The following RNF13 variants were observed in gnomAD, a reference collection of about 807,000 sequenced individuals.
RNF13 encodes the protein E3 ubiquitin-protein ligase RNF13.
RNF13 carries 19 observed loss-of-function variants against 37.7 expected under a neutral mutation model. The observed-to-expected ratio is 0.50, with a 90% CI of 0.35 to 0.74. The LOEUF (loss-of-function observed/expected upper bound fraction) is 0.74. RNF13 is among the 30% of genes least tolerant of loss of function. The pLI is 0.01. For missense variants in RNF13, 375 were observed against 453.0 expected (o/e 0.83, Z 1.56); for synonymous variants, 144 against 157.8 (o/e 0.91, Z 0.65).
chr3:149,833,118 C>CTCT lies in RNF13; in HGVS notation c.-16-12892_-16-12891insCTT, dbSNP rs1306537184. The stretch of plus-strand genomic sequence containing the variant: ...ATAACTTATCGTTCTCTCTCTCTCT[C>CTCT]TTTTTTTTTTTTTTTTTTTGAGATG... On this transcript the variant is annotated intron_variant, in intron 1 of 9. Coordinates refer to ENST00000392894, the MANE Select transcript of RNF13 (RefSeq NM_183381.3). Among the ~76,000 whole-genome samples, 64 of 111,884 alleles carry CTCT rather than the reference C, an allele frequency of 5.7e-4. 1 individual carries two copies. The highest frequency in any genetic ancestry group is 1.6e-3 in the African/African-American group (47 of 29,532). 73.4% of individuals were successfully genotyped at this position (111,884 alleles called of 152,430 possible).
intron 3 of RNF13, among the ~76,000 whole-genome samples, chr3:149,861,428 GT>G (rs1293932874): frequency 6.6e-6 from 1 of 152,118 alleles, no homozygotes; most frequent in East Asian, 1.9e-4. Flanking sequence ...TATATGGAAT[GT>G]AATACTATTT....
chr3:149,866,107 C>G (rs1724796118), intron 3 of RNF13, among the ~76,000 whole-genome samples: 1 of 151,026 alleles, frequency 6.6e-6, no homozygotes, highest in Non-Finnish European at 1.5e-5. Context: ...TGTCATGGCA[C>G]TGGTAGTGTT....
chr3:149,871,203 G>A (rs961304527), intron 3 of RNF13, among the ~76,000 whole-genome samples: 2 of 151,456 alleles, frequency 1.3e-5, no homozygotes, highest in South Asian at 2.1e-4. Context: ...CACCATGCTC[G>A]GCTAATTTTT....
intron 8 of RNF13, among the ~76,000 whole-genome samples, chr3:149,943,337 C>T (rs1313841828): frequency 6.6e-6 from 1 of 151,964 alleles, no homozygotes; most frequent in Non-Finnish European, 1.5e-5. Context: ...AAAGCCTTAC[C>T]AATTATCAAC....
intron 1 of RNF13, among the ~76,000 whole-genome samples, chr3:149,831,032 T>G (rs549833608): frequency 2.0e-5 from 3 of 152,246 alleles, no homozygotes; most frequent in Admixed American, 6.5e-5. Context: ...GAACTGAGGT[T>G]TGGGAATCTT....
At chr3:149,846,266 T>G in intron 2 of RNF13, 126 bp downstream of exon 2, 1 of 587,768 alleles carries the variant, frequency 1.7e-6, no homozygotes, top group Non-Finnish European at 3.0e-6. Context: ...CCCCAACACA[T>G]ATACACAGTT....
chr3:149,887,763 G>A (rs1714214821), intron 4 of RNF13, among the ~76,000 whole-genome samples: 1 of 152,166 alleles, frequency 6.6e-6, no homozygotes, highest in Non-Finnish European at 1.5e-5. Context: ...TTGGCTAAGA[G>A]CTTCAGTACA....
intron 8 of RNF13, among the ~76,000 whole-genome samples, chr3:149,930,585 G>A (rs937954306): frequency 3.3e-5 from 5 of 152,210 alleles, no homozygotes; most frequent in African/African-American, 1.2e-4. Flanking sequence ...TTCACAGAAT[G>A]AGTTATGATA....
chr3:149,815,726 G>T (rs2108301197), intron 1 of RNF13, among the ~76,000 whole-genome samples: 1 of 152,172 alleles, frequency 6.6e-6, no homozygotes, highest in Middle Eastern at 3.4e-3. Context: ...GTTGATTTGG[G>T]AACAACACAG....
chr3:149,877,818 G>A (rs899227098), intron 4 of RNF13, among the ~76,000 whole-genome samples: 5 of 152,030 alleles, frequency 3.3e-5, no homozygotes, highest in Admixed American at 3.3e-4. Context: ...AAGGATATTC[G>A]ATGGATGGAA....
intron 3 of RNF13, among the ~76,000 whole-genome samples, chr3:149,860,357 G>A (rs1245247242): frequency 7.1e-6 from 1 of 141,546 alleles, no homozygotes; most frequent in African/African-American, 2.7e-5. Flanking sequence ...TACATATTAT[G>A]CACACACATA....
At chr3:149,844,830 T>C (rs1222027783) in intron 1 of RNF13, among the ~76,000 whole-genome samples, 1 of 152,136 alleles carries the variant, frequency 6.6e-6, no homozygotes, top group Non-Finnish European at 1.5e-5. Context: ...AATGCAGTGA[T>C]TTTTAGTATA....
At chr3:149,816,220 G>A (rs1460226678) in intron 1 of RNF13, among the ~76,000 whole-genome samples, 1 of 152,090 alleles carries the variant, frequency 6.6e-6, no homozygotes, top group Non-Finnish European at 1.5e-5. Flanking sequence ...TTCTAAGTGG[G>A]AAGTGGGGGA....
chr3:149,856,713 G>T (rs544521118), intron 3 of RNF13, among the ~76,000 whole-genome samples: 1 of 151,996 alleles, frequency 6.6e-6, no homozygotes, highest in Admixed American at 6.6e-5. Flanking sequence ...AAAGTGATGG[G>T]ATTGTAGGCA....
chr3:149,957,310 T>G (rs2108615021), intron 8 of RNF13, among the ~76,000 whole-genome samples: 1 of 152,284 alleles, frequency 6.6e-6, no homozygotes, highest in South Asian at 2.1e-4. Flanking sequence ...TCATCCTTGC[T>G]TTCTACATTT....
chr3:149,959,052 T>A (rs963540828), intron 8 of RNF13, among the ~76,000 whole-genome samples: 1 of 152,242 alleles, frequency 6.6e-6, no homozygotes, highest in South Asian at 2.1e-4. Flanking sequence ...ATTTCTGATA[T>A]GTCTTCCAAG....
intron 8 of RNF13, among the ~76,000 whole-genome samples, chr3:149,952,315 G>A (rs1017002027): frequency 6.6e-6 from 1 of 151,950 alleles, no homozygotes; most frequent in South Asian, 2.1e-4. Context: ...ACTCAGAGCC[G>A]CAACAAATAT....
intron 8 of RNF13, among the ~76,000 whole-genome samples, chr3:149,923,622 C>T (rs1213031235): frequency 2.6e-5 from 4 of 151,502 alleles, no homozygotes; most frequent in Non-Finnish European, 5.9e-5. Flanking sequence ...AAAAATTAGC[C>T]GGGTGTGGTG....
intron 1 of RNF13, among the ~76,000 whole-genome samples, chr3:149,839,665 G>A (rs1576743396): frequency 6.6e-6 from 1 of 152,088 alleles, no homozygotes; most frequent in Admixed American, 6.5e-5. Context: ...AACCTCCCAC[G>A]AGGTTTCTCC....
Sources: gnomAD v4.1 joint callset for allele counts (sites outside exome capture counted in the v4.1 genomes callset) on GRCh38, gnomAD v4.1.1 for gene constraint, MANE v1.5 for transcripts, NCBI Gene and HGNC (gene_info 2026-07-23, HGNC 2026-07-21) for gene names.